The following SCN4A variants were observed in gnomAD, a reference collection of about 807,000 sequenced individuals.
The protein encoded by SCN4A is sodium channel protein type 4 subunit alpha.
SCN4A carries 83 observed loss-of-function variants against 162.0 expected under a neutral mutation model. The ratio of observed to expected loss-of-function variants is 0.51; its 90% confidence interval spans 0.43 to 0.61. The LOEUF is 0.61. Among genes scored for constraint, SCN4A ranks in the 20% least tolerant of loss-of-function variants. SCN4A has a pLI of 0.00. For synonymous variants in SCN4A, 944 were observed against 985.1 expected, an observed-to-expected ratio of 0.96 and a Z score of 0.78; for missense variants, 2,196 against 2,462.5, an observed-to-expected ratio of 0.89 and a Z score of 2.29.
In SCN4A at chr17:63,943,086, T is replaced by A; in HGVS notation, c.4028A>T (p.Gln1343Leu). ...CGTCACGAGGTCATACACCATGCCC[T>A]GGATCTTGTTCTGCAGCATGGGTGG... ...KPIPRPQNKI[Q>L]GMVYDLVTKQ... Residue 1343 changes from glutamine to leucine, a missense_variant, in exon 23 of 24, where the codon CAG becomes CTG. Physicochemically the swap from Gln to Leu is moderately radical, Grantham distance 113. Transcript: ENST00000435607. 4 of 1,610,626 alleles carry A rather than the reference T, an allele frequency of 2.5e-6. No individual in the cohort carries two copies. Among genetic ancestry groups the A allele is most frequent in the Non-Finnish European group, 3.4e-6 (4 of 1,177,048 alleles).
At chr17:63,947,866 C>A (rs200239458) in intron 17 of SCN4A, 24 bp downstream of exon 17, 42 of 1,610,228 alleles carry the variant, frequency 2.6e-5, no homozygotes, top group Non-Finnish European at 3.1e-5. Flanking sequence ...GATGTAGCTA[C>A]GGGGCCAGCG....
rs1908895434 is a variant in SCN4A, at chr17:63,951,186, C to A, written c.2853+238G>T. Among the ~76,000 whole-genome samples, 1 of 152,206 alleles carries A rather than the reference C, an allele frequency of 6.6e-6. No homozygotes were observed. Reference sequence around the variant, plus strand: ...TTCTGGTCCGAGGGAATCAGGGTTTCTGGACAGACAGGGTTGATCATAATA... The same window carrying A: ...TTCTGGTCCGAGGGAATCAGGGTTTATGGACAGACAGGGTTGATCATAATA... On this transcript the variant is annotated intron_variant, in intron 14 of 23. Coordinates refer to ENST00000435607, the MANE Select transcript of SCN4A (RefSeq NM_000334.4). This position sits in a 1 kb window ranked among gnomAD's most constrained non-coding sequence, Gnocchi z 4.5.
chr17:63,949,784 G>A (rs372499876), intron 14 of SCN4A: 1 of 379,000 alleles, frequency 2.6e-6, no homozygotes, highest in Admixed American at 4.1e-5. Flanking sequence ...AAGGGCATGA[G>A]GACACATGCG....
rs983581623 is a variant in SCN4A, at chr17:63,940,480, G to A, written c.*291C>T. ...TGTTCTGACCTCCCCCAGGCCAAAA[G>A]GAGGGGCGACAGGGCCCAGAGGAGG... On this transcript the variant is annotated 3_prime_UTR_variant, in exon 24 of 24. Transcript: ENST00000435607. 3.0e-5 allele frequency: 12 copies of A among 396,198 alleles called. No homozygotes were observed. The highest frequency in any genetic ancestry group is 8.0e-5 in the Admixed American group (2 of 24,910). 24.5% of individuals were successfully genotyped at this position (396,198 alleles called of 1,614,324 possible).
chr17:63,947,997 C>G lies in SCN4A; in HGVS notation c.3211G>C (p.Val1071Leu). The G allele has an allele frequency of 6.2e-7, 1 of 1,613,920 alleles. No homozygotes were observed. The highest frequency in any genetic ancestry group is 8.5e-7 in the Non-Finnish European group (1 of 1,179,826). ...TCCATGATGAAGATGTAGGTGAAGA[C>G]CTTGTCGGCATATTCTAGGATGGTG... ...IRTILEYADKVFTYIFIMEML... is the reference protein window; with the variant it reads ...IRTILEYADKLFTYIFIMEML... The change falls in exon 17 of 24, where the codon GTC (valine) becomes CTC (leucine). Residue 1071 changes from valine to leucine, a missense_variant. Coordinates refer to ENST00000435607, the MANE Select transcript of SCN4A (RefSeq NM_000334.4).
chr17:63,961,419 G>A lies in SCN4A; in HGVS notation c.1619C>T (p.Ala540Val), dbSNP rs1909250963. 1 of 1,612,524 alleles carries A rather than the reference G, an allele frequency of 6.2e-7. No individual in the cohort carries two copies. The highest frequency in any genetic ancestry group is 1.3e-5 in the African/African-American group (1 of 74,936). ...CCACCATGGTGGGCACTTTTGGTGG[G>A]CCTCTTCCAGTTCTGGGAGAGGGGT... The part of the protein sequence containing the change: ...ISDAMEELEE[A>V]HQKCPPWWYK... Residue 540 changes from alanine (A) to valine (V), a missense_variant, in exon 11 of 24, where the codon GCC (alanine) becomes GTC (valine). Physicochemically the swap from Ala to Val is moderately conservative, Grantham distance 64. Coordinates refer to ENST00000435607, the MANE Select transcript of SCN4A (RefSeq NM_000334.4).
intron 12 of SCN4A, among the ~76,000 whole-genome samples, chr17:63,957,946 A>G (rs1909122188): frequency 6.7e-6 from 1 of 150,268 alleles, no homozygotes; most frequent in African/African-American, 2.4e-5. Flanking sequence ...TGGAGCTTGT[A>G]GTGAGCAGAG....
Position 63,940,787 on chromosome 17 carries a change from T to C in SCN4A, c.5495A>G (p.Lys1832Arg), listed in dbSNP as rs778802285. 1.1e-5 allele frequency: 17 copies of C among 1,578,866 alleles called. No homozygotes were observed. In the Admixed American group the frequency reaches 3.1e-4, roughly 29 times the overall value. Reference sequence around the variant, plus strand: ...TGCTGCCTGCTAGACAAGAGACTCCTTGACACCTGGGCGCACAGTCTGCCC... The same window carrying C: ...TGCTGCCTGCTAGACAAGAGACTCCCTGACACCTGGGCGCACAGTCTGCCC... ...PPGQTVRPGV[K>R]ESLV is the part of the protein sequence containing the mutation. Residue 1832 changes from lysine (K) to arginine (R), a missense_variant, in exon 24 of 24, where the codon AAG (lysine) becomes AGG (arginine). Physicochemically the swap from Lys to Arg is conservative, Grantham distance 26 (BLOSUM62 2). Coordinates refer to ENST00000435607, the MANE Select transcript of SCN4A (RefSeq NM_000334.4).
At chr17:63,963,931 T>C in intron 9 of SCN4A, 106 bp from the exon 10 acceptor site, 7 of 1,114,330 alleles carry the variant, frequency 6.3e-6, no homozygotes, top group Admixed American at 2.5e-5. Context: ...TGGCAGCCCC[T>C]CTTCCTGGCC....
intron 10 of SCN4A, 146 bp from the exon 11 acceptor site, chr17:63,961,577 A>G: frequency 1.9e-6 from 1 of 533,182 alleles, no homozygotes; most frequent in South Asian, 1.8e-5. Flanking sequence ...TCCAAGTTCC[A>G]CCGCCTCTTG....
At chr17:63,953,870 T>C (rs1908991765) in intron 13 of SCN4A, among the ~76,000 whole-genome samples, 1 of 152,070 alleles carries the variant, frequency 6.6e-6, no homozygotes, top group Non-Finnish European at 1.5e-5. Flanking sequence ...TTCTAGTCAT[T>C]GTATAACTTT....
At position 63,944,942 on chromosome 17, in the gene SCN4A, C is replaced by T. The variant is rs1426103766; in HGVS notation, c.3774+65G>A. On this transcript the variant is annotated intron_variant, in intron 20 of 23. Coordinates refer to ENST00000435607, the MANE Select transcript of SCN4A (RefSeq NM_000334.4). The surrounding 1 kb of genome is among the most constrained non-coding windows in gnomAD (Gnocchi z 4.3). ...GGGGACAGAACGTGCTGCCAAGTCT[C>T]CCTCCTGTCTTGAGTCCTCTTCCCT... 3 of 1,594,728 alleles carry T rather than the reference C, an allele frequency of 1.9e-6. No individual in the cohort carries two copies. Among genetic ancestry groups the T allele is most frequent in the East Asian group, 2.2e-5 (1 of 44,520 alleles).
chr17:63,952,828 C>A (rs1277324928), intron 13 of SCN4A, among the ~76,000 whole-genome samples: 1 of 152,128 alleles, frequency 6.6e-6, no homozygotes, highest in Non-Finnish European at 1.5e-5. Flanking sequence ...GCATGAATGG[C>A]CTCAGGGAGC....
At chr17:63,963,137 C>T (rs148458493) in intron 10 of SCN4A, among the ~76,000 whole-genome samples, 1 of 152,316 alleles carries the variant, frequency 6.6e-6, no homozygotes, top group Non-Finnish European at 1.5e-5. Flanking sequence ...TCTGTCGTGT[C>T]GTGTCTATTC....
At chr17:63,955,451 C>A (rs1364048846) in intron 13 of SCN4A, among the ~76,000 whole-genome samples, 1 of 152,212 alleles carries the variant, frequency 6.6e-6, no homozygotes, top group African/African-American at 2.4e-5. Context: ...GTAACATAAT[C>A]CTTGCAACCA....
intron 21 of SCN4A, 49 bp from the exon 22 acceptor site, chr17:63,943,899 C>A (rs1336396275): frequency 2.5e-6 from 3 of 1,211,166 alleles, no homozygotes; most frequent in African/African-American, 3.0e-5. Context: ...CCCCTTCCTG[C>A]CTCCAGGACC....
chr17:63,958,139 G>T (rs1018715443), intron 12 of SCN4A, among the ~76,000 whole-genome samples: 1 of 152,160 alleles, frequency 6.6e-6, no homozygotes, highest in Non-Finnish European at 1.5e-5. Flanking sequence ...GGAGGCCGAA[G>T]AAGGTGCATC....
chr17:63,941,224 C>T lies in SCN4A; in HGVS notation c.5058G>A (p.Glu1686=). 2 of 1,613,852 alleles carry T rather than the reference C, an allele frequency of 1.2e-6. No individual in the cohort carries two copies. The highest frequency in any genetic ancestry group is 1.7e-6 in the Non-Finnish European group (2 of 1,179,850). The change falls in exon 24 of 24, where the codon GAG becomes GAA. Residue 1686 remains glutamate (E), a synonymous_variant. Coordinates refer to ENST00000435607, the MANE Select transcript of SCN4A (RefSeq NM_000334.4). The surrounding 1 kb of genome is among the most constrained non-coding windows in gnomAD (Gnocchi z 6.2). ...CLDILFALTK[E]VLGDSGEMDA... ...CCATTTCCCCAGAGTCACCCAGGAC[C>T]TCTTTGGTCAGGGCAAAGAGGATGT...
chr17:63,942,652 C>A (rs1464846092), intron 23 of SCN4A, among the ~76,000 whole-genome samples, 174 bp downstream of exon 23: 2 of 152,272 alleles, frequency 1.3e-5, no homozygotes, highest in Admixed American at 6.5e-5. Context: ...GGGTGACGAT[C>A]TGCCTGTGTG....
Sources: gnomAD v4.1 joint callset for allele counts (sites outside exome capture counted in the v4.1 genomes callset) on GRCh38, gnomAD v4.1.1 for gene constraint, Gnocchi (gnomAD v3.1) non-coding constraint, MANE v1.5 for transcripts, NCBI Gene and HGNC (gene_info 2026-07-23, HGNC 2026-07-21) for gene names.